The following KCNJ3 variants were observed in gnomAD, a reference collection of about 807,000 sequenced individuals.
KCNJ3 encodes potassium inwardly rectifying channel subfamily J member 3.
Under a neutral mutation model 39.2 loss-of-function variants are expected in KCNJ3, and 4 were observed. That is an observed-to-expected ratio of 0.10 (90% CI 0.05 to 0.23). The LOEUF is 0.23. KCNJ3 is among the 10% of genes least tolerant of loss of function. The pLI, the probability that KCNJ3 is intolerant of heterozygous loss-of-function variation, is 1.00. For synonymous variants in KCNJ3, 230 were observed against 237.4 expected, an observed-to-expected ratio of 0.97 and a Z score of 0.29; for missense variants, 276 against 634.9, an observed-to-expected ratio of 0.43 and a Z score of 6.08.
chr2:154,802,131 T>C (rs1686830145), intron 2 of KCNJ3, among the ~76,000 whole-genome samples: 1 of 152,116 alleles, frequency 6.6e-6, no homozygotes, highest in South Asian at 2.1e-4. Context: ...ATATCTTTGG[T>C]AAAAGAACCT....
At chr2:154,743,757 T>A (rs1461953420) in intron 2 of KCNJ3, among the ~76,000 whole-genome samples, 2 of 151,612 alleles carry the variant, frequency 1.3e-5, no homozygotes, top group East Asian at 3.9e-4. Flanking sequence ...ACAAAGAAAA[T>A]CATGCAATCT....
intron 2 of KCNJ3, among the ~76,000 whole-genome samples, chr2:154,804,908 G>T (rs997347687): frequency 2.0e-5 from 3 of 152,004 alleles, no homozygotes; most frequent in Admixed American, 2.0e-4. Flanking sequence ...CATCATTTGA[G>T]TTGTTTATAT....
At chr2:154,745,182 A>G (rs1266485388) in intron 2 of KCNJ3, among the ~76,000 whole-genome samples, 1 of 151,958 alleles carries the variant, frequency 6.6e-6, no homozygotes, top group Non-Finnish European at 1.5e-5. Flanking sequence ...GGTACTTGAA[A>G]TAAACATGTA....
At chr2:154,728,997 A>G (rs1306604358) in intron 2 of KCNJ3, among the ~76,000 whole-genome samples, 3 of 152,182 alleles carry the variant, frequency 2.0e-5, no homozygotes, top group Non-Finnish European at 4.4e-5. Context: ...TGTCATCAAA[A>G]TCATTAACAT....
intron 2 of KCNJ3, among the ~76,000 whole-genome samples, chr2:154,842,222 T>C (rs901611452): frequency 6.6e-6 from 1 of 152,204 alleles, no homozygotes; most frequent in Non-Finnish European, 1.5e-5. Context: ...CAGGAGCAAG[T>C]TGTTCAGTTT....
At chr2:154,843,070 A>C (rs1040160440) in intron 2 of KCNJ3, among the ~76,000 whole-genome samples, 4 of 152,266 alleles carry the variant, frequency 2.6e-5, no homozygotes, top group African/African-American at 9.6e-5. Flanking sequence ...TGCAGTGGCT[A>C]GTACTGGTTG....
At chr2:154,848,254 C>T (rs1160600891) in intron 2 of KCNJ3, among the ~76,000 whole-genome samples, 1 of 152,052 alleles carries the variant, frequency 6.6e-6, no homozygotes, top group Non-Finnish European at 1.5e-5. Flanking sequence ...CTGGACTTAG[C>T]TTTGCTGTTT....
At chr2:154,800,865 T>C (rs1686806934) in intron 2 of KCNJ3, among the ~76,000 whole-genome samples, 1 of 152,176 alleles carries the variant, frequency 6.6e-6, no homozygotes, top group Non-Finnish European at 1.5e-5. Flanking sequence ...TATATAAAAG[T>C]ATAACTGGAA....
chr2:154,849,645 G>GC (rs1044753857), intron 2 of KCNJ3, among the ~76,000 whole-genome samples: 28 of 152,220 alleles, frequency 1.8e-4, no homozygotes, highest in African/African-American at 6.7e-4. Context: ...ACCATATTGT[G>GC]CCCCCTTTGT....
At chr2:154,736,259 A>G in intron 2 of KCNJ3, among the ~76,000 whole-genome samples, 1 of 151,922 alleles carries the variant, frequency 6.6e-6, no homozygotes, top group East Asian at 1.9e-4. Flanking sequence ...TTTAATATTT[A>G]GAAACTGAGC....
intron 2 of KCNJ3, among the ~76,000 whole-genome samples, chr2:154,791,324 T>C (rs1233592831): frequency 2.6e-5 from 4 of 152,092 alleles, no homozygotes; most frequent in Non-Finnish European, 5.9e-5. Context: ...GTGTTAAAAC[T>C]AAGTGATAGA....
At chr2:154,718,973 C>A (rs1685223511) in intron 2 of KCNJ3, among the ~76,000 whole-genome samples, 1 of 151,982 alleles carries the variant, frequency 6.6e-6, no homozygotes, top group East Asian at 1.9e-4. Flanking sequence ...AATTGGGGGA[C>A]AAGCAGATTT....
In KCNJ3 at chr2:154,856,248, A is replaced by ACAC. The variant is rs1346613570; in HGVS notation, c.*936_*938dup. 1 of 152,574 alleles carries ACAC rather than the reference A, an allele frequency of 6.6e-6. No individual in the cohort carries two copies. The highest frequency in any genetic ancestry group is 1.5e-5 in the Non-Finnish European group (1 of 67,992). 9.5% of individuals were successfully genotyped at this position (152,574 alleles called of 1,614,324 possible). A position where few individuals can be genotyped will look rare whatever the true frequency, so the allele number is the denominator to read the frequency against. Reference sequence around the variant, plus strand: ...TAATACAAAGATGAGCTCTGAACAAACACTGAATCATGTTAATAGACAGTA... The same window carrying ACAC: ...TAATACAAAGATGAGCTCTGAACAAACACCACTGAATCATGTTAATAGACAGTA... On this transcript the variant is annotated 3_prime_UTR_variant, in exon 3 of 3. Coordinates refer to ENST00000295101, the MANE Select transcript of KCNJ3 (RefSeq NM_002239.4).
At chr2:154,725,206 C>G (rs1046299152) in intron 2 of KCNJ3, among the ~76,000 whole-genome samples, 6 of 149,986 alleles carry the variant, frequency 4.0e-5, no homozygotes, top group African/African-American at 1.5e-4. Context: ...TTGTCATTCT[C>G]TAGTCAAACA....
At position 154,856,132 on chromosome 2, in the gene KCNJ3, C is replaced by G. The variant is rs1489835863; in HGVS notation, c.*819C>G. 3 of 152,462 alleles carry G rather than the reference C, an allele frequency of 2.0e-5. No individual in the cohort carries two copies. Among genetic ancestry groups the G allele is most frequent in the Non-Finnish European group, 4.4e-5 (3 of 67,990 alleles). The allele number at this position is 152,462 out of a possible 1,614,324, so 9.4% of individuals were successfully genotyped here. On this transcript the variant is annotated 3_prime_UTR_variant, in exon 3 of 3. Transcript: ENST00000295101. ...CATTTCTTATGATTTTTAAAAGTTG[C>G]TAGTACTGGGGAGAAATAATTGTTG...
At position 154,855,986 on chromosome 2, in the gene KCNJ3, A is replaced by G. The variant is rs887669875; in HGVS notation, c.*673A>G. 3.3e-5 allele frequency: 5 copies of G among 152,508 alleles called. No homozygotes were observed. The highest frequency in any genetic ancestry group is 7.4e-5 in the Non-Finnish European group (5 of 67,980). 9.4% of individuals were successfully genotyped at this position (152,508 alleles called of 1,614,324 possible). A position where few individuals can be genotyped will look rare whatever the true frequency, so the allele number is the denominator to read the frequency against. ...CTGTTTAAGGTCTTGGGAGGCTTTCAATTGTATTTTATATGAGAGAATCAC... is the reference window on the plus strand; with the variant it reads ...CTGTTTAAGGTCTTGGGAGGCTTTCGATTGTATTTTATATGAGAGAATCAC... On this transcript the variant is annotated 3_prime_UTR_variant, in exon 3 of 3. Coordinates refer to ENST00000295101, the MANE Select transcript of KCNJ3 (RefSeq NM_002239.4).
intron 2 of KCNJ3, among the ~76,000 whole-genome samples, chr2:154,799,761 A>G (rs555128280): frequency 1.8e-4 from 27 of 152,020 alleles, no homozygotes; most frequent in African/African-American, 6.3e-4. Context: ...TAGGTAATTC[A>G]CCCCTTAATA....
chr2:154,749,829 TG>T (rs1173735412), intron 2 of KCNJ3, among the ~76,000 whole-genome samples: 1 of 152,022 alleles, frequency 6.6e-6, no homozygotes, highest in Non-Finnish European at 1.5e-5. Context: ...CCTCATGTCT[TG>T]GCTCTCTGAC....
At chr2:154,732,693 A>T (rs1685466691) in intron 2 of KCNJ3, among the ~76,000 whole-genome samples, 1 of 152,144 alleles carries the variant, frequency 6.6e-6, no homozygotes, top group Non-Finnish European at 1.5e-5. Context: ...ATGAGTTGAC[A>T]TCCCAAGTAG....
Sources: gnomAD v4.1 joint callset for allele counts (sites outside exome capture counted in the v4.1 genomes callset) on GRCh38, gnomAD v4.1.1 for gene constraint, MANE v1.5 for transcripts, NCBI Gene and HGNC (gene_info 2026-07-23, HGNC 2026-07-21) for gene names.